The following CLCC1 variants were observed in gnomAD, a reference collection of about 807,000 sequenced individuals.
CLCC1 encodes chloride channel CLIC-like protein 1.
In CLCC1, 39 loss-of-function variants were observed where a neutral mutation model predicts 63.3. The observed-to-expected ratio is 0.62, with a 90% confidence interval of 0.48 to 0.81. The LOEUF (loss-of-function observed/expected upper bound fraction) is 0.81, where lower values mean the gene tolerates loss of function less well. CLCC1 is among the 30% of genes least tolerant of loss of function. CLCC1 has a pLI of 0.00. For synonymous variants in CLCC1, 217 were observed against 239.8 expected (o/e 0.90, Z 0.88); for missense variants, 549 against 669.4 (o/e 0.82, Z 1.98).
At chr1:108,944,138 A>G (rs973996472) in intron 5 of CLCC1, 81 bp from the exon 6 acceptor site, 58 of 974,428 alleles carry the variant, frequency 6.0e-5, no homozygotes, top group Non-Finnish European at 8.6e-5. Context: ...ACAAAAGCCA[A>G]TTTGGAACTA....
Position 108,954,589 on chromosome 1 carries a change from G to A in CLCC1, c.-11-4141C>T, listed in dbSNP as rs891858682. Among the ~76,000 whole-genome samples, 7 of 151,130 alleles carry A rather than the reference G, an allele frequency of 4.6e-5. 2 individuals carry two copies. Among genetic ancestry groups the A allele is most frequent in the African/African-American group, 1.7e-4 (7 of 40,532 alleles). ...ATTATCCAACAAAGAGGCTGAAGCA[G>A]AAAAAAGATGTGGTACTTGGCCTAA... is the stretch of plus-strand genomic sequence containing the variant. On this transcript the variant is annotated intron_variant, in intron 2 of 12. Transcript: ENST00000369969.
chr1:108,938,663 G>C (rs865776206), intron 10 of CLCC1, among the ~76,000 whole-genome samples: 3 of 152,102 alleles, frequency 2.0e-5, no homozygotes, highest in South Asian at 2.1e-4. Flanking sequence ...GTCTGCTCCT[G>C]GATCCCCAAA....
intron 12 of CLCC1, 116 bp downstream of exon 12, chr1:108,934,503 TTAATTC>T (rs1295310615): frequency 9.7e-6 from 7 of 721,554 alleles, no homozygotes; most frequent in Admixed American, 5.9e-5. Flanking sequence ...AACGTGTTTG[TTAATTC>T]TAATTGTCAG....
chr1:108,946,439 G>A (rs1361447374), intron 5 of CLCC1, among the ~76,000 whole-genome samples: 2 of 152,178 alleles, frequency 1.3e-5, no homozygotes, highest in Non-Finnish European at 2.9e-5. Flanking sequence ...ATTACAGAGT[G>A]TACGTATGAG....
chr1:108,945,071 ATG>A (rs1455304506), intron 5 of CLCC1, among the ~76,000 whole-genome samples: 3 of 152,220 alleles, frequency 2.0e-5, no homozygotes, highest in East Asian at 3.8e-4. Context: ...ACCTTGTTTT[ATG>A]TGTGTTTCTG....
At chr1:108,950,237 A>G (rs1206984521) in intron 3 of CLCC1, 72 bp downstream of exon 3, 6 of 1,454,932 alleles carry the variant, frequency 4.1e-6, no homozygotes, top group Non-Finnish European at 5.6e-6. Context: ...TCTGTGCAAA[A>G]CAACAGAGCT....
intron 7 of CLCC1, 139 bp from the exon 8 acceptor site, chr1:108,941,637 CAT>C (rs796508329): frequency 9.6e-5 from 45 of 470,874 alleles, no homozygotes; most frequent in African/African-American, 3.0e-4. Context: ...TAAAAAAAAA[CAT>C]ATTATTATTA....
intron 2 of CLCC1, among the ~76,000 whole-genome samples, chr1:108,960,756 T>TA (rs1163204351): frequency 6.6e-6 from 1 of 151,674 alleles, no homozygotes; most frequent in Non-Finnish European, 1.5e-5. Context: ...TGTGAGGAGG[T>TA]TAGGATGGGG....
intron 2 of CLCC1, among the ~76,000 whole-genome samples, chr1:108,961,907 T>C (rs1339613013): frequency 6.6e-6 from 1 of 152,138 alleles, no homozygotes; most frequent in East Asian, 1.9e-4. Context: ...TAAGCACTGT[T>C]ACATTAATTT....
rs568569557 is a variant in CLCC1 at position 108,947,230 on chromosome 1, AAAC to A, written c.339+378_339+380del. Among the ~76,000 whole-genome samples, 8 of 152,332 alleles carry A rather than the reference AAAC, an allele frequency of 5.3e-5. No homozygotes were observed. The South Asian group carries it at 1.0e-3, about 20-fold the overall frequency. On this transcript the variant is annotated intron_variant, in intron 5 of 12. Coordinates refer to ENST00000369969, the MANE Select transcript of CLCC1 (RefSeq NM_001377458.1). Reference sequence around the variant, plus strand: ...TCTATAAAGTAGCACTCACCACAGTAAACAACAAGGAGAAAAACTACAGAAAAC... The same window carrying A: ...TCTATAAAGTAGCACTCACCACAGTAAACAAGGAGAAAAACTACAGAAAAC...
At chr1:108,939,984 C>A (rs1248579202) in intron 9 of CLCC1, 61 bp downstream of exon 9, 14 of 1,403,382 alleles carry the variant, frequency 1.0e-5, no homozygotes, top group Non-Finnish European at 1.4e-5. Context: ...CACTAAAGTT[C>A]TTTAAAATAC....
intron 2 of CLCC1, among the ~76,000 whole-genome samples, chr1:108,960,694 AATATG>A (rs1199171044): frequency 6.6e-6 from 1 of 152,190 alleles, no homozygotes; most frequent in South Asian, 2.1e-4. Flanking sequence ...TTCATATTAT[AATATG>A]ATATGAAGTG....
At chr1:108,958,042 A>G (rs967036275) in intron 2 of CLCC1, among the ~76,000 whole-genome samples, 2 of 151,358 alleles carry the variant, frequency 1.3e-5, no homozygotes, top group Admixed American at 6.6e-5. Flanking sequence ...GAAAGGAGAG[A>G]GCAGACAAAT....
At chr1:108,932,846 T>C (rs1652243166) in intron 12 of CLCC1, 3 of 152,212 alleles carry the variant, frequency 2.0e-5, no homozygotes, top group Admixed American at 2.0e-4. Context: ...TTAGAAAAAA[T>C]CACGTTTCTG....
At chr1:108,950,241 C>T (rs1655017536) in intron 3 of CLCC1, 68 bp downstream of exon 3, 3 of 1,479,922 alleles carry the variant, frequency 2.0e-6, no homozygotes, top group South Asian at 1.3e-5. Flanking sequence ...TGCAAAACAA[C>T]AGAGCTAGAC....
intron 2 of CLCC1, among the ~76,000 whole-genome samples, chr1:108,960,308 T>A (rs935234000): frequency 6.6e-6 from 1 of 152,098 alleles, no homozygotes; most frequent in African/African-American, 2.4e-5. Flanking sequence ...ATCAGGGCAA[T>A]AGAAGACAAG....
At chr1:108,951,577 A>C (rs1655183869) in intron 2 of CLCC1, among the ~76,000 whole-genome samples, 1 of 152,210 alleles carries the variant, frequency 6.6e-6, no homozygotes, top group Non-Finnish European at 1.5e-5. Flanking sequence ...AAGTACATAT[A>C]TATGAAATGT....
intron 4 of CLCC1, 133 bp downstream of exon 4, chr1:108,949,687 A>T (rs536549670): frequency 1.9e-6 from 1 of 516,268 alleles, no homozygotes; most frequent in African/African-American, 2.0e-5. Context: ...TAGAGTATCC[A>T]AAGAAAAATT....
intron 5 of CLCC1, among the ~76,000 whole-genome samples, chr1:108,947,138 T>C (rs181307505): frequency 6.6e-6 from 1 of 152,132 alleles, no homozygotes; most frequent in East Asian, 1.9e-4. Context: ...TACTCCGGCC[T>C]GGACAACAGA....
Sources: allele counts gnomAD v4.1 joint callset (sites outside exome capture counted in the v4.1 genomes callset), GRCh38; gene constraint gnomAD v4.1.1; transcripts MANE v1.5; gene names NCBI Gene and HGNC (gene_info 2026-07-23, HGNC 2026-07-21).